The following DSCAM variants were observed in gnomAD, a reference collection of about 807,000 sequenced individuals.
DSCAM encodes the protein cell adhesion molecule DSCAM.
DSCAM carries 47 observed loss-of-function variants against 217.7 expected under a neutral mutation model. That is an observed-to-expected ratio of 0.22 (90% CI 0.17 to 0.28). DSCAM has a LOEUF of 0.28. Ranked by LOEUF, DSCAM falls within the 10% of genes least tolerant of loss-of-function variation. The pLI is 1.00. For missense variants in DSCAM, 2,080 were observed against 2,618.3 expected, an observed-to-expected ratio of 0.79 and a Z score of 4.49; for synonymous variants, 1,056 against 1,015.3, an observed-to-expected ratio of 1.04 and a Z score of -0.76.
intron 3 of DSCAM, among the ~76,000 whole-genome samples, chr21:40,488,497 G>T (rs560261503): frequency 6.6e-6 from 1 of 152,162 alleles, no homozygotes; most frequent in Admixed American, 6.5e-5. Context: ...CTGCATTTCA[G>T]GGGGAGAGGT....
chr21:40,516,414 A>G (rs907413585), intron 3 of DSCAM, among the ~76,000 whole-genome samples: 26 of 152,078 alleles, frequency 1.7e-4, no homozygotes, highest in Non-Finnish European at 2.9e-4. Flanking sequence ...CCTCCCCCAA[A>G]ACACTGGCAG....
At chr21:40,087,119 GA>G (rs774507864) in intron 22 of DSCAM, 50 bp downstream of exon 22, 10 of 1,335,770 alleles carry the variant, frequency 7.5e-6, no homozygotes, top group Non-Finnish European at 1.1e-5. Flanking sequence ...GAGTATGTCA[GA>G]TGTAATCTCT....
intron 3 of DSCAM, among the ~76,000 whole-genome samples, chr21:40,626,979 A>G (rs1466187540): frequency 1.3e-5 from 2 of 152,198 alleles, no homozygotes; most frequent in Non-Finnish European, 2.9e-5. Flanking sequence ...AACAACAACT[A>G]AAATTAACTG....
chr21:40,338,416 G>T (rs2074451541), intron 7 of DSCAM, 40 bp from the exon 8 acceptor site: 3 of 1,583,980 alleles, frequency 1.9e-6, no homozygotes, highest in Non-Finnish European at 2.6e-6. Context: ...TAATTTAAGG[G>T]TACATCTCAT....
chr21:40,023,473 A>G (rs1397929972), intron 32 of DSCAM, among the ~76,000 whole-genome samples: 1 of 149,252 alleles, frequency 6.7e-6, no homozygotes, highest in African/African-American at 2.5e-5. Flanking sequence ...GAACTAGTTT[A>G]CAGTCCCACC....
At chr21:40,232,811 T>C (rs1193073817) in intron 11 of DSCAM, among the ~76,000 whole-genome samples, 2 of 152,158 alleles carry the variant, frequency 1.3e-5, no homozygotes, top group Non-Finnish European at 2.9e-5. Flanking sequence ...TTTACTGAGA[T>C]TAAACCTAGT....
At chr21:40,378,026 A>G (rs751580356) in intron 3 of DSCAM, among the ~76,000 whole-genome samples, 39 of 152,188 alleles carry the variant, frequency 2.6e-4, no homozygotes, top group Admixed American at 1.3e-4. Context: ...TTCTTGCTGA[A>G]CCAATAAAAA....
intron 22 of DSCAM, among the ~76,000 whole-genome samples, chr21:40,086,466 C>A (rs533959872): frequency 2.6e-5 from 4 of 152,274 alleles, no homozygotes; most frequent in African/African-American, 7.2e-5. Context: ...CTACACCAAG[C>A]CATTATTTCT....
Position 40,687,566 on chromosome 21 carries a change from A to G in DSCAM, c.508+5244T>C, listed in dbSNP as rs374212339. 1.2e-4 allele frequency among the ~76,000 whole-genome samples: 18 copies of G among 152,038 alleles called. No homozygotes were observed. The South Asian group carries it at 3.3e-3, about 28-fold the overall frequency. On this transcript the variant is annotated intron_variant, in intron 3 of 32. Coordinates refer to ENST00000400454, the MANE Select transcript of DSCAM (RefSeq NM_001389.5). ...CTGTGCTAGCTCTCCCTCCCTCCCC[A>G]CATGAGAATACGGCATCCAATCTGC... is the stretch of plus-strand genomic sequence containing the variant.
intron 5 of DSCAM, among the ~76,000 whole-genome samples, chr21:40,349,155 A>T (rs1414095640): frequency 6.8e-6 from 1 of 147,582 alleles, no homozygotes; most frequent in Non-Finnish European, 1.5e-5. Context: ...AAAAAAAAAA[A>T]GAAATGCAAC....
intron 11 of DSCAM, among the ~76,000 whole-genome samples, chr21:40,275,579 G>A (rs2073675903): frequency 6.6e-6 from 1 of 152,192 alleles, no homozygotes. Context: ...AGCAGCGCCA[G>A]CATTAAGCCT....
At chr21:40,603,940 T>C (rs1568932596) in intron 3 of DSCAM, among the ~76,000 whole-genome samples, 1 of 150,632 alleles carries the variant, frequency 6.6e-6, no homozygotes, top group African/African-American at 2.4e-5. Flanking sequence ...TTTTTTTTTT[T>C]TTTTTCTGAG....
At chr21:40,780,411 G>GTATATATATA (rs749398798) in intron 1 of DSCAM, among the ~76,000 whole-genome samples, 1,671 of 87,120 alleles carry the variant, frequency 0.019, 44 homozygotes, top group Non-Finnish European at 0.031. Flanking sequence ...GTGTGTGTGT[G>GTATATATATA]TGTGTGTGTG....
intron 14 of DSCAM, among the ~76,000 whole-genome samples, chr21:40,181,864 A>G (rs983812268): frequency 6.6e-6 from 1 of 152,070 alleles, no homozygotes; most frequent in African/African-American, 2.4e-5. Context: ...TGGTTTAGGA[A>G]GATGTCAGAA....
chr21:40,742,499 C>T (rs1437978734), intron 1 of DSCAM, among the ~76,000 whole-genome samples: 1 of 152,170 alleles, frequency 6.6e-6, no homozygotes, highest in Non-Finnish European at 1.5e-5. Flanking sequence ...TGATTTTCAT[C>T]CAGTGAAAGT....
chr21:40,074,355 C>T (rs1813672130), intron 27 of DSCAM, among the ~76,000 whole-genome samples: 1 of 152,220 alleles, frequency 6.6e-6, no homozygotes, highest in African/African-American at 2.4e-5. Context: ...CACGTCTGCA[C>T]AGTTTCATAT....
chr21:40,339,066 C>A, intron 7 of DSCAM, 53 bp downstream of exon 7: 1 of 1,590,490 alleles, frequency 6.3e-7, no homozygotes, highest in Non-Finnish European at 8.6e-7. Context: ...AAATCTTCTT[C>A]TCCACTATAA....
chr21:40,634,652 A>G (rs2089732517), intron 3 of DSCAM, among the ~76,000 whole-genome samples: 1 of 152,248 alleles, frequency 6.6e-6, no homozygotes. Context: ...GTACAAATCT[A>G]AAAAGAAATA....
intron 4 of DSCAM, among the ~76,000 whole-genome samples, chr21:40,356,724 T>A (rs115408058): frequency 0.021 from 3,185 of 152,260 alleles, 110 homozygotes; most frequent in African/African-American, 0.072. Flanking sequence ...CCTGGTCCCT[T>A]GTGAAACTGA....
Sources: allele counts gnomAD v4.1 joint callset (sites outside exome capture counted in the v4.1 genomes callset), GRCh38; gene constraint gnomAD v4.1.1; transcripts MANE v1.5; gene names NCBI Gene and HGNC (gene_info 2026-07-23, HGNC 2026-07-21).